The following RIC3 variants were observed in gnomAD, a reference collection of about 807,000 sequenced individuals.
RIC3 encodes the protein RIC3 acetylcholine receptor chaperone, also known as protein RIC-3.
In RIC3, 28 loss-of-function variants were observed where a neutral mutation model predicts 27.3. That is an observed-to-expected ratio of 1.02 (90% CI 0.76 to 1.41). The LOEUF is 1.41. Ranked by LOEUF, RIC3 falls within the 40% of genes most tolerant of loss-of-function variation. The pLI, the probability that RIC3 is intolerant of heterozygous loss-of-function variation, is 0.00. For synonymous variants in RIC3, 184 were observed against 160.4 expected, an observed-to-expected ratio of 1.15 and a Z score of -1.11; for missense variants, 501 against 444.7, an observed-to-expected ratio of 1.13 and a Z score of -1.14.
rs1365455627 is a variant in RIC3 at position 8,143,030 on chromosome 11, AAAT to A, written c.125-2840_125-2838del. Among the ~76,000 whole-genome samples the A allele has an allele frequency of 1.9e-5, 2 of 107,922 alleles. 1 individual carries two copies. Among genetic ancestry groups the A allele is most frequent in the East Asian group, 5.8e-4 (2 of 3,476 alleles). The allele number at this position is 107,922 out of a possible 152,430, so 70.8% of individuals were successfully genotyped here. A position where few individuals can be genotyped will look rare whatever the true frequency, so the allele number is the denominator to read the frequency against. ...TTAGGTATTGATGGGACGTATTTCAAAATAATAAGATCTATCTATGACAAACCC... is the reference window on the plus strand; with the variant it reads ...TTAGGTATTGATGGGACGTATTTCAAAATAAGATCTATCTATGACAAACCC... On this transcript the variant is annotated intron_variant, in intron 1 of 5. Coordinates refer to ENST00000309737, the MANE Select transcript of RIC3 (RefSeq NM_001206671.4).
chr11:8,121,556 A>G (rs964125988), intron 5 of RIC3, among the ~76,000 whole-genome samples: 6 of 151,948 alleles, frequency 3.9e-5, no homozygotes, highest in African/African-American at 1.4e-4. Flanking sequence ...TCTCTACTAA[A>G]ACTAAAAAAA....
At chr11:8,160,670 C>T (rs568273164) in intron 1 of RIC3, among the ~76,000 whole-genome samples, 40 of 152,264 alleles carry the variant, frequency 2.6e-4, no homozygotes, top group African/African-American at 9.4e-4. Flanking sequence ...CTAGAGCAAT[C>T]CCCAGAAAGC....
chr11:8,139,915 T>C lies in RIC3; in HGVS notation c.351+52A>G, dbSNP rs1307608578. ...GTTTTAATGTAGACAATGATTTTTA[T>C]TGCCATATTAGATTTTCATTGATGT... On this transcript the variant is annotated intron_variant, in intron 2 of 5. Transcript: ENST00000309737. The C allele has an allele frequency of 4.1e-6, 6 of 1,469,418 alleles. No individual in the cohort carries two copies. The African/African-American group carries it at 4.2e-5, about 10-fold the overall frequency. 91.0% of individuals were successfully genotyped at this position (1,469,418 alleles called of 1,614,324 possible).
intron 4 of RIC3, among the ~76,000 whole-genome samples, chr11:8,133,546 T>TA (rs1401868474): frequency 2.0e-5 from 3 of 152,246 alleles, no homozygotes; most frequent in East Asian, 3.9e-4. Flanking sequence ...TCCTAAGAGG[T>TA]AGGGTGGAAA....
In RIC3 at chr11:8,109,749, C is replaced by A. The variant is rs1251022065; in HGVS notation, c.*949G>T. On this transcript the variant is annotated 3_prime_UTR_variant, in exon 6 of 6. Transcript: ENST00000309737. ...TCCATAAGCACACAGATTCTCTCCC[C>A]TATTGCTGGCTTCCTGGCCTTCTGA... 1.3e-5 allele frequency: 2 copies of A among 152,236 alleles called. No homozygotes were observed. Among genetic ancestry groups the A allele is most frequent in the Admixed American group, 6.5e-5 (1 of 15,276 alleles). The allele number at this position is 152,236 out of a possible 1,614,324, so 9.4% of individuals were successfully genotyped here.
intron 3 of RIC3, 106 bp from the exon 4 acceptor site, chr11:8,137,577 C>G (rs1330327174): frequency 1.4e-6 from 1 of 711,762 alleles, no homozygotes; most frequent in African/African-American, 1.8e-5. Flanking sequence ...CTTCCCATTA[C>G]TATCTCATTG....
chr11:8,150,482 T>C (rs1419427978), intron 1 of RIC3, among the ~76,000 whole-genome samples: 2 of 152,214 alleles, frequency 1.3e-5, no homozygotes, highest in East Asian at 1.9e-4. Context: ...TCACACATTA[T>C]ATTCCAGTTG....
At chr11:8,124,110 AGC>A (rs1946761550) in intron 5 of RIC3, among the ~76,000 whole-genome samples, 1 of 121,240 alleles carries the variant, frequency 8.2e-6, no homozygotes, top group Non-Finnish European at 1.8e-5. Context: ...AAAAAGAGAA[AGC>A]AAGCAAGCAA....
chr11:8,100,471 T>A, the RIC3 span: 1 of 1,574,048 alleles, frequency 6.4e-7, no homozygotes, highest in East Asian at 2.2e-5. Flanking sequence ...AATAGACGCC[T>A]CAGGTGGCCA....
In RIC3 at chr11:8,137,380, C is replaced by T; in HGVS notation, c.519G>A (p.Glu173=). The T allele has an allele frequency of 1.2e-6, 2 of 1,612,988 alleles. No homozygotes were observed. Among genetic ancestry groups the T allele is most frequent in the South Asian group, 2.2e-5 (2 of 91,054 alleles). ...AGTCCCGTTACATGAAAACCTACCT[C>T]TCACCATTAGGTCCCACTCTGTTGA... ...KLINRVGPNG[E]SRAQTVTSDQ... Residue 173 remains glutamate, a splice_region_variant and synonymous_variant, in exon 4 of 6, where the codon GAG becomes GAA. Transcript: ENST00000309737.
intron 5 of RIC3, among the ~76,000 whole-genome samples, chr11:8,118,760 A>G (rs1291801655): frequency 6.6e-6 from 1 of 151,920 alleles, no homozygotes; most frequent in Admixed American, 6.6e-5. Flanking sequence ...AGTCCCAGCT[A>G]CTTAGGAGGC....
chr11:8,111,091 G>C lies in RIC3; in HGVS notation c.717C>G (p.Ile239Met). The part of the protein sequence containing the change: ...TYPIYDLSDC[I>M]KRRQETILVD... ...CCAAGATTGTTTCTTGCCTACGCTT[G>C]ATACAGTCTGAAAGGTCATAAATTG... Residue 239 changes from isoleucine to methionine, a missense_variant, in exon 6 of 6, where the codon ATC (isoleucine) becomes ATG (methionine). Coordinates refer to ENST00000309737, the MANE Select transcript of RIC3 (RefSeq NM_001206671.4). 1.2e-6 allele frequency: 2 copies of C among 1,613,502 alleles called. No homozygotes were observed. The highest frequency in any genetic ancestry group is 1.7e-6 in the Non-Finnish European group (2 of 1,179,680).
chr11:8,168,935 G>C lies in RIC3; in HGVS notation c.55C>G (p.Leu19Val). 3 of 1,611,216 alleles carry C rather than the reference G, an allele frequency of 1.9e-6. No homozygotes were observed. In the South Asian group the frequency reaches 3.3e-5, roughly 18 times the overall value. The change falls in exon 1 of 6, where the codon CTG becomes GTG. Residue 19 changes from leucine to valine, a missense_variant. Leu to Val is a conservative substitution (Grantham distance 32). Transcript: ENST00000309737. ...AAGGCCTTGGGCAGCAGCAGCGACAGAGCCAGGACAAGCCCAGAAGCCAGA... is the reference window on the plus strand; with the variant it reads ...AAGGCCTTGGGCAGCAGCAGCGACACAGCCAGGACAAGCCCAGAAGCCAGA... ...VALASGLVLA[L>V]SLLLPKAFLS...
At chr11:8,129,606 T>A (rs1003269340) in intron 4 of RIC3, among the ~76,000 whole-genome samples, 1 of 152,050 alleles carries the variant, frequency 6.6e-6, no homozygotes, top group African/African-American at 2.4e-5. Flanking sequence ...AAATAAAAGG[T>A]CACAGTTGGG....
chr11:8,099,421 A>T, the RIC3 span, among the ~76,000 whole-genome samples: 1 of 152,138 alleles, frequency 6.6e-6, no homozygotes, highest in Non-Finnish European at 1.5e-5. Context: ...TATCTCATCA[A>T]CCTGGGCATG....
intron 5 of RIC3, among the ~76,000 whole-genome samples, chr11:8,126,114 AC>A (rs540634865): frequency 2.1e-4 from 32 of 152,322 alleles, no homozygotes; most frequent in Admixed American, 5.9e-4. Flanking sequence ...CAAAAGAAAT[AC>A]AAATATATGT....
intron 4 of RIC3, 85 bp downstream of exon 4, chr11:8,137,293 G>T: frequency 8.3e-7 from 1 of 1,204,720 alleles, no homozygotes; most frequent in Non-Finnish European, 1.2e-6. Context: ...CAAAGTGCTG[G>T]GATTAGAGGC....
intron 1 of RIC3, among the ~76,000 whole-genome samples, chr11:8,154,276 T>C (rs780631264): frequency 2.0e-5 from 3 of 152,238 alleles, no homozygotes; most frequent in Non-Finnish European, 2.9e-5. Context: ...ATTATCAGAA[T>C]GCGTGCTTTT....
At chr11:8,128,850 G>A (rs936282828) in intron 4 of RIC3, among the ~76,000 whole-genome samples, 17 of 150,468 alleles carry the variant, frequency 1.1e-4, no homozygotes, top group Admixed American at 9.3e-4. Context: ...CGCCTCCCGG[G>A]TTCACGCCAT....
Sources: gnomAD v4.1 joint callset for allele counts (sites outside exome capture counted in the v4.1 genomes callset) on GRCh38, gnomAD v4.1.1 for gene constraint, MANE v1.5 for transcripts, NCBI Gene and HGNC (gene_info 2026-07-23, HGNC 2026-07-21) for gene names.